The following SEC16B variants were observed in gnomAD, a reference collection of about 807,000 sequenced individuals.
SEC16B encodes protein transport protein Sec16B.
Under a neutral mutation model 141.8 loss-of-function variants are expected in SEC16B, and 115 were observed. That is an observed-to-expected ratio of 0.81 (90% CI 0.70 to 0.95). The LOEUF (loss-of-function observed/expected upper bound fraction) is 0.95. Among genes scored for constraint, SEC16B ranks in the 40% least tolerant of loss-of-function variants. The pLI, the probability that SEC16B is intolerant of heterozygous loss-of-function variation, is 0.00. For missense variants in SEC16B, 1,291 were observed against 1,312.3 expected (o/e 0.98, Z 0.25); for synonymous variants, 493 against 492.5 (o/e 1.00, Z -0.01).
intron 1 of SEC16B, among the ~76,000 whole-genome samples, chr1:177,975,857 C>A (rs1430028651): frequency 6.6e-6 from 1 of 152,188 alleles, no homozygotes; most frequent in Admixed American, 6.5e-5. Context: ...CCAGTGTTGG[C>A]CACCAAGACT....
At position 177,947,886 on chromosome 1, in the gene SEC16B, C is replaced by G. The variant is rs955201052; in HGVS notation, c.1602G>C (p.Ser534=). ...ACAGCTCTGGGTCCCCAGCCTGATTCGACAGAATCACAGCCAAGTGAGGCC... is the reference window on the plus strand; with the variant it reads ...ACAGCTCTGGGTCCCCAGCCTGATTGGACAGAATCACAGCCAAGTGAGGCC... The part of the protein sequence containing the change: ...DWRPHLAVIL[S]NQAGDPELYQ... The change falls in exon 13 of 26, where the codon TCG becomes TCC. Residue 534 remains serine, a synonymous_variant. Transcript: ENST00000308284. 6.4e-7 allele frequency: 1 copy of G among 1,560,802 alleles called. No homozygotes were observed. Among genetic ancestry groups the G allele is most frequent in the Non-Finnish European group, 8.7e-7 (1 of 1,152,538 alleles).
Position 177,958,353 on chromosome 1 carries a change from C to A in SEC16B, c.1144G>T (p.Gly382Trp). ...LLCRQNGSMV[G>W]SDIAELLMQD... ...ATTAGCAGCTCAGCGATGTCAGACC[C>A]CACCATGGACTGTAAGGCAAAGAGG... The change falls in exon 10 of 26, where the codon GGG becomes TGG. Residue 382 changes from glycine to tryptophan, a missense_variant. This residue lies in a region of SEC16B where 681 missense variants were observed against 675.5 expected (regional missense o/e 1.01). Transcript: ENST00000308284. The A allele has an allele frequency of 6.3e-7, 1 of 1,587,562 alleles. No individual in the cohort carries two copies. Among genetic ancestry groups the A allele is most frequent in the Non-Finnish European group, 8.6e-7 (1 of 1,166,470 alleles).
chr1:177,961,907 G>C (rs1023270551), intron 5 of SEC16B, among the ~76,000 whole-genome samples, 173 bp from the exon 6 acceptor site: 17 of 152,222 alleles, frequency 1.1e-4, no homozygotes, highest in African/African-American at 3.9e-4. Context: ...CCAATGGAAA[G>C]AGTGCAGGCC....
intron 1 of SEC16B, among the ~76,000 whole-genome samples, chr1:177,982,971 C>T (rs564122041): frequency 2.3e-4 from 35 of 152,244 alleles, no homozygotes; most frequent in African/African-American, 7.7e-4. Context: ...TTCCACCTAT[C>T]AACATTACAC....
intron 19 of SEC16B, among the ~76,000 whole-genome samples, 154 bp from the exon 20 acceptor site, chr1:177,936,519 C>T (rs1248282112): frequency 2.0e-5 from 3 of 152,196 alleles, no homozygotes; most frequent in Admixed American, 2.0e-4. Flanking sequence ...ACAAAGAATG[C>T]TCACGTAGCT....
At chr1:177,963,160 G>C (rs1397296214) in intron 5 of SEC16B, among the ~76,000 whole-genome samples, 2 of 151,852 alleles carry the variant, frequency 1.3e-5, no homozygotes, top group African/African-American at 4.8e-5. Context: ...GTAAGGTGCT[G>C]TACATATGTA....
At position 177,961,571 on chromosome 1, in the gene SEC16B, T is replaced by G; in HGVS notation, c.787+19A>C. 6.3e-7 allele frequency: 1 copy of G among 1,593,636 alleles called. No individual in the cohort carries two copies. Among genetic ancestry groups the G allele is most frequent in the Non-Finnish European group, 8.5e-7 (1 of 1,173,376 alleles). ...CCACATCAGATTCAATCAACTCTTC[T>G]GATCATTTTAGAACCCACCAGCCTG... On this transcript the variant is annotated intron_variant, in intron 6 of 25. Coordinates refer to ENST00000308284, the MANE Select transcript of SEC16B (RefSeq NM_033127.4).
rs1228860782 is a variant in SEC16B at position 177,937,293 on chromosome 1, C to A, written c.2424G>T (p.Gly808=). The A allele has an allele frequency of 1.2e-6, 2 of 1,613,798 alleles. No homozygotes were observed. The highest frequency in any genetic ancestry group is 2.7e-5 in the African/African-American group (2 of 74,936). The change falls in exon 19 of 26, where the codon GGG becomes GGT. Residue 808 remains glycine, a synonymous_variant. Transcript: ENST00000308284. The stretch of plus-strand genomic sequence containing the variant: ...CTGTCACTGCCACGCTGCTGCCAGT[C>A]CCTGGTAGATGGGTCTCAGGAACTG... ...FYSVPETHLP[G]TGSSVAVTEA... is the part of the protein sequence containing the mutation.
intron 14 of SEC16B, 47 bp from the exon 15 acceptor site, chr1:177,944,713 C>A: frequency 6.6e-7 from 1 of 1,511,424 alleles, no homozygotes; most frequent in Non-Finnish European, 9.2e-7. Context: ...GTGGGGGACG[C>A]AGGAGTTAAA....
At chr1:177,983,443 A>C (rs992626398) in intron 1 of SEC16B, among the ~76,000 whole-genome samples, 1 of 152,132 alleles carries the variant, frequency 6.6e-6, no homozygotes, top group African/African-American at 2.4e-5. Context: ...GTTCGTCAAT[A>C]AGTTAACCGT....
upstream of SEC16B, among the ~76,000 whole-genome samples, chr1:177,974,736 T>A (rs1316912933): frequency 6.6e-6 from 1 of 152,016 alleles, no homozygotes; most frequent in Non-Finnish European, 1.5e-5. Context: ...ACCCTAGATG[T>A]GAAGAAAAGG....
At chr1:177,933,831 G>A (rs906072236) in intron 20 of SEC16B, among the ~76,000 whole-genome samples, 195 bp from the exon 21 acceptor site, 3 of 152,122 alleles carry the variant, frequency 2.0e-5, no homozygotes, top group Non-Finnish European at 4.4e-5. Flanking sequence ...CAGAGCCCAA[G>A]CCCATGTTAT....
At position 177,946,545 on chromosome 1, in the gene SEC16B, A is replaced by C. The variant is rs1426114620; in HGVS notation, c.1664-14T>G. 6.4e-7 allele frequency: 1 copy of C among 1,554,434 alleles called. No individual in the cohort carries two copies. The highest frequency in any genetic ancestry group is 8.7e-7 in the Non-Finnish European group (1 of 1,147,638). On this transcript the variant is annotated splice_polypyrimidine_tract_variant and intron_variant, in intron 13 of 25. Coordinates refer to ENST00000308284, the MANE Select transcript of SEC16B (RefSeq NM_033127.4). The stretch of plus-strand genomic sequence containing the variant: ...GCCCCTTCCCAGCTGCGGGAGGAAG[A>C]GAACAAGACCCAATCACGGAGCACA...
chr1:177,959,093 G>T lies in SEC16B; in HGVS notation c.999-118C>A, dbSNP rs145236885. 58 of 1,060,644 alleles carry T rather than the reference G, an allele frequency of 5.5e-5. No individual in the cohort carries two copies. The African/African-American group carries it at 7.2e-4, about 13-fold the overall frequency. The allele number at this position is 1,060,644 out of a possible 1,614,324, so 65.7% of individuals were successfully genotyped here. A position where few individuals can be genotyped will look rare whatever the true frequency, so the allele number is the denominator to read the frequency against. On this transcript the variant is annotated intron_variant, in intron 8 of 25. Transcript: ENST00000308284. ...TGGGCTGTGATTGAGATAGAAATCT[G>T]ACAAGCCAGGGCTAAGGTAATGAGT... is the stretch of plus-strand genomic sequence containing the variant.
chr1:177,940,543 T>C (rs78919810), intron 17 of SEC16B, 67 bp downstream of exon 17: 28,909 of 1,120,582 alleles, frequency 0.026, 476 homozygotes, highest in East Asian at 0.061. Context: ...ACCTGTTCCA[T>C]GTCTAGGGGT....
intron 24 of SEC16B, among the ~76,000 whole-genome samples, chr1:177,931,345 C>G (rs1403841778): frequency 6.6e-6 from 1 of 152,146 alleles, no homozygotes; most frequent in African/African-American, 2.4e-5. Flanking sequence ...ACCATATGTT[C>G]TCACTTATAA....
Position 177,944,806 on chromosome 1 carries a change from G to A in SEC16B, c.1776-140C>T, listed in dbSNP as rs1651555754. On this transcript the variant is annotated intron_variant, in intron 14 of 25. Transcript: ENST00000308284. ...GCTGATGCCTGCGGCGGCTTCAAGA[G>A]AAGAAGGAGACTCTGGGCTCCCAGA... 4.9e-6 allele frequency: 3 copies of A among 613,332 alleles called. No individual in the cohort carries two copies. The South Asian group carries it at 6.5e-5, about 13-fold the overall frequency. 38.0% of individuals were successfully genotyped at this position (613,332 alleles called of 1,614,324 possible). A position where few individuals can be genotyped will look rare whatever the true frequency, so the allele number is the denominator to read the frequency against.
intron 6 of SEC16B, 128 bp downstream of exon 6, chr1:177,961,462 G>A (rs566919061): frequency 1.6e-5 from 15 of 956,442 alleles, no homozygotes; most frequent in Non-Finnish European, 2.3e-5. Context: ...TGACCTCTCT[G>A]CCCAGGTGAC....
At chr1:177,947,973 A>C (rs767166902) in intron 12 of SEC16B, 31 bp from the exon 13 acceptor site, 21 of 1,426,458 alleles carry the variant, frequency 1.5e-5, no homozygotes, top group Non-Finnish European at 1.9e-5. Context: ...TAAATGTACA[A>C]TCATTTAAGA....
Sources: allele counts gnomAD v4.1 joint callset (sites outside exome capture counted in the v4.1 genomes callset), GRCh38; gene constraint gnomAD v4.1.1; regional missense constraint gnomAD v4.1.1; transcripts MANE v1.5; gene names NCBI Gene and HGNC (gene_info 2026-07-23, HGNC 2026-07-21).